Variants in SH3RF3 observed in about 807,000 individuals in gnomAD.
The protein encoded by SH3RF3 is SH3 domain containing ring finger 3.
A neutral mutation model predicts 66.3 loss-of-function variants in SH3RF3; 29 were observed. The ratio of observed to expected loss-of-function variants is 0.44; its 90% confidence interval spans 0.33 to 0.60. The LOEUF (loss-of-function observed/expected upper bound fraction) is 0.60, where lower values mean the gene tolerates loss of function less well. Ranked by LOEUF, SH3RF3 falls within the 20% of genes least tolerant of loss-of-function variation. The probability of loss-of-function intolerance (pLI) is 0.04; values close to 1 mark genes in which losing one functional copy is unlikely to be tolerated. For missense variants in SH3RF3, 1,194 were observed against 1,190.9 expected (o/e 1.00, Z -0.04); for synonymous variants, 583 against 532.0 (o/e 1.10, Z -1.32).
chr2:109,138,569 G>A (rs1676866274), intron 1 of SH3RF3, among the ~76,000 whole-genome samples: 1 of 152,172 alleles, frequency 6.6e-6, no homozygotes, highest in Non-Finnish European at 1.5e-5. Flanking sequence ...TTTTAGAGAG[G>A]GGTCAGGGCA....
At chr2:109,350,682 C>A (rs948268275) in intron 2 of SH3RF3, among the ~76,000 whole-genome samples, 8 of 152,220 alleles carry the variant, frequency 5.3e-5, no homozygotes, top group African/African-American at 1.9e-4. Context: ...GTCCGACCCA[C>A]CTTACTTCCC....
chr2:109,302,272 G>C (rs898968413), intron 1 of SH3RF3, among the ~76,000 whole-genome samples: 2 of 133,504 alleles, frequency 1.5e-5, no homozygotes, highest in Admixed American at 1.7e-4. Context: ...GAATCCTGGG[G>C]CATTTTTTTG....
rs897072613 is a variant in SH3RF3, at chr2:109,297,198, C to T, written c.574-50476C>T. On this transcript the variant is annotated intron_variant, in intron 1 of 9. Transcript: ENST00000309415. The stretch of plus-strand genomic sequence containing the variant: ...GGGCCTCTGCAGGGGGGTGAGTTCC[C>T]CAAGAAGACCCTGCGATTCATTCAG... 3.3e-5 allele frequency among the ~76,000 whole-genome samples: 5 copies of T among 152,078 alleles called. No individual in the cohort carries two copies. The South Asian group carries it at 8.3e-4, about 25-fold the overall frequency.
At chr2:109,320,849 C>A (rs1172747931) in intron 1 of SH3RF3, among the ~76,000 whole-genome samples, 1 of 152,204 alleles carries the variant, frequency 6.6e-6, no homozygotes, top group Non-Finnish European at 1.5e-5. Flanking sequence ...TGGATTCGGG[C>A]ACCAGACCAA....
At chr2:109,363,959 CTTGT>C (rs1683104027) in intron 2 of SH3RF3, among the ~76,000 whole-genome samples, 2 of 152,088 alleles carry the variant, frequency 1.3e-5, no homozygotes, top group African/African-American at 4.8e-5. Context: ...ATCTATCCTG[CTTGT>C]TGTTCTCTGA....
At chr2:109,408,269 G>A (rs911103521) in intron 4 of SH3RF3, among the ~76,000 whole-genome samples, 1 of 152,182 alleles carries the variant, frequency 6.6e-6, no homozygotes, top group South Asian at 2.1e-4. Flanking sequence ...ATCAGTACAG[G>A]TAAAGCAGGA....
At chr2:109,223,277 G>A (rs1483327037) in intron 1 of SH3RF3, among the ~76,000 whole-genome samples, 1 of 152,226 alleles carries the variant, frequency 6.6e-6, no homozygotes, top group Non-Finnish European at 1.5e-5. Context: ...AGAGCCCTCA[G>A]AGGCTGCGTG....
At chr2:109,251,739 A>G (rs993420692) in intron 1 of SH3RF3, 7 of 654,612 alleles carry the variant, frequency 1.1e-5, no homozygotes, top group African/African-American at 9.1e-5. Context: ...ACATTTTCAT[A>G]TTAGACTTTT....
chr2:109,362,151 T>G (rs1303883992), intron 2 of SH3RF3, among the ~76,000 whole-genome samples: 4 of 152,202 alleles, frequency 2.6e-5, no homozygotes, highest in Non-Finnish European at 4.4e-5. Flanking sequence ...AAGTGAAGAT[T>G]TAGATTATTT....
intron 1 of SH3RF3, among the ~76,000 whole-genome samples, chr2:109,233,220 T>A (rs1488629790): frequency 6.6e-6 from 1 of 152,196 alleles, no homozygotes; most frequent in Non-Finnish European, 1.5e-5. Flanking sequence ...ACCCAGGTTC[T>A]TGTCCAGCAC....
intron 1 of SH3RF3, chr2:109,251,521 T>A: frequency 1.3e-6 from 1 of 743,434 alleles, no homozygotes; most frequent in Non-Finnish European, 2.5e-6. Context: ...ATTGTGGTCA[T>A]TTGGTCCCTT....
chr2:109,257,068 G>A (rs1680238226), intron 1 of SH3RF3, among the ~76,000 whole-genome samples: 1 of 152,134 alleles, frequency 6.6e-6, no homozygotes, highest in African/African-American at 2.4e-5. Flanking sequence ...TCATGTAGGG[G>A]CACCGTGTAT....
chr2:109,436,929 T>C lies in SH3RF3; in HGVS notation c.1611T>C (p.Asn537=), dbSNP rs749763429. The C allele has an allele frequency of 4.3e-6, 7 of 1,613,546 alleles. No individual in the cohort carries two copies. Among genetic ancestry groups the C allele is most frequent in the Non-Finnish European group, 5.1e-6 (6 of 1,179,910 alleles). Residue 537 remains asparagine, a synonymous_variant, in exon 7 of 10, where the codon AAT becomes AAC. Transcript: ENST00000309415. ...PAGGAGPPRN[N]VVGGSPLAKG... ...GAGGGGCAGGGCCGCCCCGGAATAATGTAGTCGGAGGGTCTCCACTGGCCA... is the reference window on the plus strand; with the variant it reads ...GAGGGGCAGGGCCGCCCCGGAATAACGTAGTCGGAGGGTCTCCACTGGCCA...
chr2:109,314,603 A>G (rs532644769), intron 1 of SH3RF3, among the ~76,000 whole-genome samples: 1 of 152,186 alleles, frequency 6.6e-6, no homozygotes, highest in African/African-American at 2.4e-5. Context: ...CTTAATTTGC[A>G]TGTGTCTGTC....
Position 109,376,398 on chromosome 2 carries a change from C to T in SH3RF3, c.945+4717C>T, listed in dbSNP as rs1390692661. Among the ~76,000 whole-genome samples the T allele has an allele frequency of 3.9e-5, 6 of 152,214 alleles. No homozygotes were observed. In the East Asian group the frequency reaches 1.2e-3, roughly 29 times the overall value. On this transcript the variant is annotated intron_variant, in intron 3 of 9. Coordinates refer to ENST00000309415, the MANE Select transcript of SH3RF3 (RefSeq NM_001099289.3). ...GTTGGAGAGACTTGGGGGCGGGACA[C>T]AGGCTGCCTCTGGCTGCTCACACAG...
At chr2:109,361,675 C>CAT (rs1410840967) in intron 2 of SH3RF3, among the ~76,000 whole-genome samples, 2 of 152,104 alleles carry the variant, frequency 1.3e-5, no homozygotes, top group African/African-American at 4.8e-5. Context: ...GGGGTTTCAC[C>CAT]ATGTTGGTCA....
chr2:109,280,590 T>TGTAA (rs1322711221), intron 1 of SH3RF3, among the ~76,000 whole-genome samples: 3 of 152,212 alleles, frequency 2.0e-5, no homozygotes, highest in Admixed American at 6.5e-5. Context: ...AAAAACCCTG[T>TGTAA]GTAAGTAGTC....
At position 109,325,331 on chromosome 2, in the gene SH3RF3, C is replaced by CT. The variant is rs11298946; in HGVS notation, c.574-22316dup. Among the ~76,000 whole-genome samples the CT allele has an allele frequency of 4.6e-3, 304 of 66,142 alleles. 6 individuals carry two copies. Among genetic ancestry groups the CT allele is most frequent in the Middle Eastern group, 0.012 (1 of 82 alleles). 43.4% of individuals were successfully genotyped at this position (66,142 alleles called of 152,430 possible). On this transcript the variant is annotated intron_variant, in intron 1 of 9. Coordinates refer to ENST00000309415, the MANE Select transcript of SH3RF3 (RefSeq NM_001099289.3). ...ATTTAATTTCTTTCTTTCTTTCTTT[C>CT]TTTTTTTTTTTTTTTTTTTTTTTTT...
intron 2 of SH3RF3, among the ~76,000 whole-genome samples, chr2:109,364,804 A>G (rs968368377): frequency 4.6e-5 from 7 of 152,150 alleles, no homozygotes; most frequent in East Asian, 1.9e-4. Flanking sequence ...TAAAACCCCA[A>G]TGGGGGCCAG....
Sources: gnomAD v4.1 joint callset for allele counts (sites outside exome capture counted in the v4.1 genomes callset) on GRCh38, gnomAD v4.1.1 for gene constraint, MANE v1.5 for transcripts, NCBI Gene and HGNC (gene_info 2026-07-23, HGNC 2026-07-21) for gene names.